C12orf42: variants seen among roughly 807,000 people sequenced by gnomAD.
C12orf42 encodes the protein chromosome 12 open reading frame 42.
C12orf42 carries 25 observed loss-of-function variants against 21.6 expected under a neutral mutation model. The ratio of observed to expected loss-of-function variants is 1.16; its 90% CI spans 0.84 to 1.62. The LOEUF is 1.62. Ranked by LOEUF, C12orf42 falls within the 40% of genes most tolerant of loss-of-function variation. C12orf42 has a pLI of 0.00. For missense variants in C12orf42, 483 were observed against 459.3 expected, an observed-to-expected ratio of 1.05 and a Z score of -0.47; for synonymous variants, 174 against 175.0, an observed-to-expected ratio of 0.99 and a Z score of 0.05.
chr12:103,339,834 A>G (rs2042021612), intron 4 of C12orf42, among the ~76,000 whole-genome samples: 1 of 152,254 alleles, frequency 6.6e-6, no homozygotes. Flanking sequence ...TTCAAGTTAT[A>G]TTCAGAAGTT....
At chr12:103,357,586 G>A (rs1187906914) in intron 4 of C12orf42, among the ~76,000 whole-genome samples, 1 of 151,982 alleles carries the variant, frequency 6.6e-6, no homozygotes, top group Non-Finnish European at 1.5e-5. Flanking sequence ...TACTGGGCCT[G>A]GCATCTGACA....
chr12:103,095,912 A>G, the C12orf42 span, among the ~76,000 whole-genome samples: 1 of 152,206 alleles, frequency 6.6e-6, no homozygotes, highest in African/African-American at 2.4e-5. Context: ...ACATTTGACC[A>G]TGATAAGATT....
chr12:103,424,397 G>C (rs1949626827), intron 2 of C12orf42, among the ~76,000 whole-genome samples: 1 of 152,240 alleles, frequency 6.6e-6, no homozygotes, highest in Non-Finnish European at 1.5e-5. Context: ...TGGCTGAATA[G>C]GAACAGCTCC....
chr12:103,497,020 C>T (rs1466330126), upstream of C12orf42, among the ~76,000 whole-genome samples: 3 of 152,034 alleles, frequency 2.0e-5, no homozygotes, highest in African/African-American at 4.8e-5. Flanking sequence ...TCGTGATCAT[C>T]GAGTAAAATT....
chr12:103,119,444 T>TTGGC, the C12orf42 span, among the ~76,000 whole-genome samples: 1 of 152,134 alleles, frequency 6.6e-6, no homozygotes, highest in Non-Finnish European at 1.5e-5. Context: ...ATAAAGGTAT[T>TTGGC]TGGCTGTATC....
At chr12:103,264,212 T>C (rs2035051603), downstream of C12orf42, among the ~76,000 whole-genome samples, 2 of 152,224 alleles carry the variant, frequency 1.3e-5, no homozygotes, top group East Asian at 3.9e-4. Context: ...GGATTCTAAG[T>C]GGAGCCTCCT....
At chr12:103,292,647 A>G (rs887628852) in intron 4 of C12orf42, among the ~76,000 whole-genome samples, 2 of 152,104 alleles carry the variant, frequency 1.3e-5, no homozygotes, top group Non-Finnish European at 2.9e-5. Flanking sequence ...TTGAGTAAAT[A>G]TGAATTATTA....
At chr12:103,246,583 C>A (rs145057622) in intron 10 of C12orf42, among the ~76,000 whole-genome samples, 1 of 151,884 alleles carries the variant, frequency 6.6e-6, no homozygotes, top group South Asian at 2.1e-4. Flanking sequence ...ACCCTTGGAA[C>A]CTAAACATTC....
chr12:103,279,816 C>G (rs1312323518), intron 4 of C12orf42, among the ~76,000 whole-genome samples: 2 of 152,126 alleles, frequency 1.3e-5, no homozygotes, highest in African/African-American at 2.4e-5. Context: ...GATGGGACAC[C>G]ATGGCATGGA....
At chr12:103,461,448 GA>G (rs928007154) in intron 2 of C12orf42, among the ~76,000 whole-genome samples, 24 of 150,710 alleles carry the variant, frequency 1.6e-4, no homozygotes, top group African/African-American at 3.9e-4. Flanking sequence ...TTTCTGATGA[GA>G]AAAAAAAATG....
intron 2 of C12orf42, among the ~76,000 whole-genome samples, chr12:103,403,375 C>CAA (rs11313657): frequency 9.1e-4 from 81 of 89,222 alleles, no homozygotes; most frequent in Middle Eastern, 6.7e-3. Flanking sequence ...GACTCCGTCT[C>CAA]AAAAAAAAAA....
chr12:103,325,755 T>C (rs1332773446), intron 4 of C12orf42, among the ~76,000 whole-genome samples: 1 of 152,192 alleles, frequency 6.6e-6, no homozygotes, highest in Admixed American at 6.5e-5. Context: ...CATATTAAGA[T>C]AGAGCTTGTT....
the C12orf42 span, among the ~76,000 whole-genome samples, chr12:103,170,909 GGAGAA>G: frequency 1.3e-5 from 2 of 152,232 alleles, no homozygotes; most frequent in East Asian, 3.9e-4. Context: ...CTTTCAGTCT[GGAGAA>G]GAGAAGTGAC....
chr12:103,088,101 A>G, the C12orf42 span, among the ~76,000 whole-genome samples: 1 of 152,232 alleles, frequency 6.6e-6, no homozygotes, highest in East Asian at 1.9e-4. Context: ...ACTGGGATAG[A>G]ACTTACAAAC....
At chr12:103,383,458 A>G (rs114902432) in intron 3 of C12orf42, among the ~76,000 whole-genome samples, 1,850 of 152,226 alleles carry the variant, frequency 0.012, 41 homozygotes, top group African/African-American at 0.041. Context: ...CATTGAAACA[A>G]TCCCCAGCTG....
the C12orf42 span, among the ~76,000 whole-genome samples, chr12:103,130,811 C>T: frequency 6.6e-6 from 1 of 152,156 alleles, no homozygotes; most frequent in South Asian, 2.1e-4. Flanking sequence ...CTTGTGTCTG[C>T]CAATTTTCTG....
At chr12:103,328,084 C>A (rs926653692) in intron 4 of C12orf42, among the ~76,000 whole-genome samples, 2 of 152,116 alleles carry the variant, frequency 1.3e-5, no homozygotes, top group Non-Finnish European at 2.9e-5. Context: ...CTCAAGCAGC[C>A]TCCTTCTTCA....
At chr12:103,518,497 T>A in the C12orf42 span, among the ~76,000 whole-genome samples, 1 of 152,172 alleles carries the variant, frequency 6.6e-6, no homozygotes, top group East Asian at 1.9e-4. Flanking sequence ...AACTCCCACA[T>A]GTGACGACAT....
downstream of C12orf42, among the ~76,000 whole-genome samples, chr12:103,235,680 T>A (rs1307953275): frequency 4.6e-5 from 7 of 152,166 alleles, no homozygotes; most frequent in Admixed American, 1.3e-4. Flanking sequence ...TCGTGTCTGA[T>A]AGTGTTGAAA....
Sources: gnomAD v4.1 joint callset for allele counts (sites outside exome capture counted in the v4.1 genomes callset) on GRCh38, gnomAD v4.1.1 for gene constraint, MANE v1.5 for transcripts, NCBI Gene and HGNC (gene_info 2026-07-23, HGNC 2026-07-21) for gene names.